The following ATP2C2 variants were observed in gnomAD, a reference collection of about 807,000 sequenced individuals.
ATP2C2 encodes ATPase secretory pathway Ca2+ transporting 2, also known as calcium-transporting ATPase type 2C member 2.
A neutral mutation model predicts 110.8 loss-of-function variants in ATP2C2; 171 were observed. The observed-to-expected ratio is 1.54, with a 90% CI of 1.36 to 1.75. ATP2C2 has a LOEUF of 1.75. Ranked by LOEUF, ATP2C2 falls within the 40% of genes most tolerant of loss-of-function variation. The pLI, the probability that ATP2C2 is intolerant of heterozygous loss-of-function variation, is 0.00. For synonymous variants in ATP2C2, 804 were observed against 508.4 expected (o/e 1.58, Z -7.82); for missense variants, 1,963 against 1,235.0 (o/e 1.59, Z -8.84).
At chr16:84,450,965 C>T (rs1597863951) in intron 17 of ATP2C2, among the ~76,000 whole-genome samples, 1 of 152,188 alleles carries the variant, frequency 6.6e-6, no homozygotes, top group African/African-American at 2.4e-5. Flanking sequence ...CAGGTTTCTG[C>T]AGCCACTTTT....
At chr16:84,463,216 GGAA>G (rs1911570413) in intron 26 of ATP2C2, among the ~76,000 whole-genome samples, 1 of 38,870 alleles carries the variant, frequency 2.6e-5, no homozygotes, top group African/African-American at 8.8e-5. Flanking sequence ...CATGTCGCTG[GGAA>G]TTCATCCCAG....
intron 11 of ATP2C2, among the ~76,000 whole-genome samples, chr16:84,434,309 G>A (rs34284536): frequency 0.33 from 49,048 of 150,906 alleles, 8,829 homozygotes; most frequent in Non-Finnish European, 0.4. Context: ...CCAGCTACTC[G>A]GGAGGCTGAG....
chr16:84,393,059 G>A (rs1455103961), intron 1 of ATP2C2, among the ~76,000 whole-genome samples: 1 of 152,174 alleles, frequency 6.6e-6, no homozygotes, highest in Non-Finnish European at 1.5e-5. Flanking sequence ...CTGGGTCATG[G>A]CAATGTCCTG....
chr16:84,447,440 C>G (rs1415082885), intron 16 of ATP2C2, among the ~76,000 whole-genome samples: 2 of 151,980 alleles, frequency 1.3e-5, no homozygotes, highest in African/African-American at 2.4e-5. Context: ...TCCCCACCAC[C>G]CACCCAGAGG....
Position 84,451,929 on chromosome 16 carries a change from C to G in ATP2C2, c.1669C>G (p.Leu557Val), listed in dbSNP as rs199844786. The change falls in exon 18 of 27, where the codon CTG (leucine) becomes GTG (valine). Residue 557 changes from leucine to valine, a missense_variant. By Grantham distance (32) the Leu-to-Val change is conservative. Transcript: ENST00000262429. ...MGSLGLRVLA[L>V]ASGPELGRLT... ...TCCCCCTCTCTCCTCAGTGCTGGCCCTGGCTTCTGGGCCCGAGCTGGGGCG... is the reference window on the plus strand; with the variant it reads ...TCCCCCTCTCTCCTCAGTGCTGGCCGTGGCTTCTGGGCCCGAGCTGGGGCG... 110 of 1,614,064 alleles carry G rather than the reference C, an allele frequency of 6.8e-5. 1 individual carries two copies. In the East Asian group the frequency reaches 2.4e-3, roughly 36 times the overall value.
chr16:84,424,014 T>C (rs1290096232), intron 10 of ATP2C2, among the ~76,000 whole-genome samples: 1 of 152,218 alleles, frequency 6.6e-6, no homozygotes, highest in Non-Finnish European at 1.5e-5. Context: ...GTGTCCTTTA[T>C]TCCAGCCTTT....
chr16:84,410,212 G>T (rs1442950555), intron 4 of ATP2C2, among the ~76,000 whole-genome samples: 1 of 152,054 alleles, frequency 6.6e-6, no homozygotes, highest in Non-Finnish European at 1.5e-5. Flanking sequence ...CATTTCAGAA[G>T]AAAAAAGGCT....
At chr16:84,408,799 T>C (rs1035520805) in intron 4 of ATP2C2, among the ~76,000 whole-genome samples, 1 of 152,040 alleles carries the variant, frequency 6.6e-6, no homozygotes, top group African/African-American at 2.4e-5. Context: ...CTGTGCACAT[T>C]TGCCTTCCGA....
At chr16:84,389,167 A>T (rs1213883201) in intron 1 of ATP2C2, among the ~76,000 whole-genome samples, 1 of 152,082 alleles carries the variant, frequency 6.6e-6, no homozygotes, top group African/African-American at 2.4e-5. Flanking sequence ...GCTTTCCACA[A>T]CCTAAGGCAT....
intron 2 of ATP2C2, among the ~76,000 whole-genome samples, chr16:84,402,840 G>C (rs560678312): frequency 6.6e-6 from 1 of 152,158 alleles, no homozygotes; most frequent in East Asian, 1.9e-4. Context: ...TCTGTTTTTT[G>C]GAATTATTTA....
Position 84,460,744 on chromosome 16 carries a change from G to T in ATP2C2, c.2424G>T (p.Lys808Asn). 1.2e-6 allele frequency: 2 copies of T among 1,614,156 alleles called. No individual in the cohort carries two copies. The highest frequency in any genetic ancestry group is 1.7e-6 in the Non-Finnish European group (2 of 1,180,002). ...TCCTCAGCAGAGCCCTCATCCTGAA[G>T]ATCCTCATGTCCGCGGCCATCATCA... ...DTILSRALIL[K>N]ILMSAAIIIS... is the part of the protein sequence containing the mutation. Residue 808 changes from lysine to asparagine, a missense_variant, in exon 24 of 27, where the codon AAG becomes AAT. Physicochemically the swap from Lys to Asn is moderately conservative, Grantham distance 94. Coordinates refer to ENST00000262429, the MANE Select transcript of ATP2C2 (RefSeq NM_014861.4).
At chr16:84,453,918 T>G (rs150750617) in intron 20 of ATP2C2, among the ~76,000 whole-genome samples, 3,552 of 152,154 alleles carry the variant, frequency 0.023, 143 homozygotes, top group African/African-American at 0.081. Flanking sequence ...TCGGCTTACT[T>G]CAACCTCTGC....
intron 1 of ATP2C2, among the ~76,000 whole-genome samples, chr16:84,391,113 CA>C (rs567509863): frequency 1.0e-3 from 73 of 73,284 alleles, no homozygotes; most frequent in South Asian, 3.6e-3. Context: ...GACTCAGACT[CA>C]AAAAAAAAAA....
chr16:84,440,817 T>C (rs751333114), intron 13 of ATP2C2, 40 bp from the exon 14 acceptor site: 1 of 1,525,042 alleles, frequency 6.6e-7, no homozygotes, highest in Admixed American at 1.8e-5. Context: ...AGCATGTTTT[T>C]GACTCTTGGC....
chr16:84,441,601 A>G (rs1030809957), intron 14 of ATP2C2, among the ~76,000 whole-genome samples: 1 of 152,118 alleles, frequency 6.6e-6, no homozygotes, highest in Non-Finnish European at 1.5e-5. Flanking sequence ...ATCACAGCAA[A>G]CGCTGTCTTG....
rs146957637 is a variant in ATP2C2 at position 84,425,069 on chromosome 16, G to C, written c.920-666G>C. Among the ~76,000 whole-genome samples, 710 of 152,230 alleles carry C rather than the reference G, an allele frequency of 4.7e-3. 5 individuals are homozygous for C. Among genetic ancestry groups the C allele is most frequent in the African/African-American group, 0.017 (690 of 41,524 alleles). ...AACAAAACTAACAGATACTGTGGCA[G>C]CTGCCCCCCTCAATACATACACACA... On this transcript the variant is annotated intron_variant, in intron 10 of 26. Coordinates refer to ENST00000262429, the MANE Select transcript of ATP2C2 (RefSeq NM_014861.4).
At chr16:84,429,360 C>G (rs1337012181) in intron 11 of ATP2C2, among the ~76,000 whole-genome samples, 2 of 152,062 alleles carry the variant, frequency 1.3e-5, no homozygotes, top group African/African-American at 4.8e-5. Context: ...ACCATGTTGG[C>G]TAGGCTGGTC....
rs539172910 is a variant in ATP2C2, at chr16:84,454,759, G to T, written c.1981-59G>T. On this transcript the variant is annotated intron_variant, in intron 20 of 26. Coordinates refer to ENST00000262429, the MANE Select transcript of ATP2C2 (RefSeq NM_014861.4). ...TGTGGCTGGCCACAGGGTGTGCATG[G>T]CCGGGCACTGGGAGGTGGTCGTCAG... 4.7e-6 allele frequency: 7 copies of T among 1,503,888 alleles called. No individual in the cohort carries two copies. The Admixed American group carries it at 1.4e-4, about 31-fold the overall frequency. The allele number at this position is 1,503,888 out of a possible 1,614,324, so 93.2% of individuals were successfully genotyped here.
chr16:84,423,562 G>A (rs1057257937), intron 10 of ATP2C2, among the ~76,000 whole-genome samples: 1 of 152,320 alleles, frequency 6.6e-6, no homozygotes, highest in South Asian at 2.1e-4. Context: ...TGGATAGCTC[G>A]CCTACAAACA....
Sources: gnomAD v4.1 joint callset for allele counts (sites outside exome capture counted in the v4.1 genomes callset) on GRCh38, gnomAD v4.1.1 for gene constraint, MANE v1.5 for transcripts, NCBI Gene and HGNC (gene_info 2026-07-23, HGNC 2026-07-21) for gene names.